Variants in ITGB1 observed in about 807,000 individuals in gnomAD.
ITGB1 encodes the protein integrin subunit beta 1, also known as integrin beta-1.
In ITGB1, 24 loss-of-function variants were observed where a neutral mutation model predicts 86.5. The ratio of observed to expected loss-of-function variants is 0.28; its 90% CI spans 0.20 to 0.39. The LOEUF is 0.39. Among genes scored for constraint, ITGB1 ranks in the 10% least tolerant of loss-of-function variants. The probability of loss-of-function intolerance (pLI) is 1.00; values close to 1 mark genes in which losing one functional copy is unlikely to be tolerated. For synonymous variants in ITGB1, 323 were observed against 316.8 expected, an observed-to-expected ratio of 1.02 and a Z score of -0.21; for missense variants, 556 against 946.9, an observed-to-expected ratio of 0.59 and a Z score of 5.42.
chr10:32,908,564 C>T (rs1593853370), intron 14 of ITGB1, 30 bp from the exon 15 acceptor site: 1 of 1,598,264 alleles, frequency 6.3e-7, no homozygotes, highest in South Asian at 1.1e-5. Flanking sequence ...TAATGAGCAC[C>T]ACAAAGAGCT....
At chr10:32,954,134 GT>G (rs1311037687) in intron 1 of ITGB1, among the ~76,000 whole-genome samples, 1 of 151,936 alleles carries the variant, frequency 6.6e-6, no homozygotes, top group East Asian at 1.9e-4. Context: ...ATCTCTCAGA[GT>G]TTTTTCTTTT....
intron 1 of ITGB1, among the ~76,000 whole-genome samples, chr10:32,952,923 G>T (rs1438705966): frequency 1.3e-5 from 2 of 152,110 alleles, no homozygotes; most frequent in Non-Finnish European, 2.9e-5. Flanking sequence ...GTAACTAATT[G>T]TATTCATGTC....
chr10:32,913,399 G>A (rs181995317), intron 11 of ITGB1, among the ~76,000 whole-genome samples: 8 of 152,108 alleles, frequency 5.3e-5, no homozygotes, highest in South Asian at 4.1e-4. Flanking sequence ...CAAACCCATC[G>A]CAAAGAAGCT....
intron 1 of ITGB1, among the ~76,000 whole-genome samples, chr10:32,952,772 T>A (rs1483961360): frequency 2.0e-5 from 3 of 152,168 alleles, no homozygotes; most frequent in Non-Finnish European, 4.4e-5. Flanking sequence ...TGCCTCTTCA[T>A]CTCCTCACCA....
At chr10:32,955,846 C>T (rs2095051200) in intron 1 of ITGB1, among the ~76,000 whole-genome samples, 1 of 152,132 alleles carries the variant, frequency 6.6e-6, no homozygotes, top group South Asian at 2.1e-4. Context: ...TGATTCCATG[C>T]TTCTCATGTG....
chr10:32,908,762 T>C (rs869033920), intron 14 of ITGB1, among the ~76,000 whole-genome samples: 2 of 152,088 alleles, frequency 1.3e-5, no homozygotes, highest in African/African-American at 2.4e-5. Context: ...ATTGAAAATA[T>C]AAGTTTTTAA....
chr10:32,945,951 ACT>A (rs1371369795), intron 1 of ITGB1, among the ~76,000 whole-genome samples: 1 of 152,112 alleles, frequency 6.6e-6, no homozygotes, highest in Non-Finnish European at 1.5e-5. Context: ...CTTTAAGATG[ACT>A]CTTCTTTTGA....
intron 2 of ITGB1, 174 bp from the exon 3 acceptor site, chr10:32,932,774 T>TAATTTTTTAAATTTTA (rs1044827324): frequency 4.0e-5 from 20 of 503,786 alleles, no homozygotes; most frequent in Non-Finnish European, 5.0e-5. Context: ...ATTTAATTTT[T>TAATTTTTTAAATTTTA]AATTTTTGTG....
At chr10:32,921,855 T>A (rs1182818923) in intron 9 of ITGB1, among the ~76,000 whole-genome samples, 2 of 151,264 alleles carry the variant, frequency 1.3e-5, no homozygotes. Context: ...AGAGAAGAAT[T>A]GGCAAAAAAA....
chr10:32,912,477 G>C (rs2094916446), intron 11 of ITGB1, among the ~76,000 whole-genome samples: 1 of 152,176 alleles, frequency 6.6e-6, no homozygotes, highest in South Asian at 2.1e-4. Flanking sequence ...TTAGAAAACG[G>C]AACACCAGAA....
chr10:32,920,664 TAGG>T (rs2094946516), intron 9 of ITGB1, among the ~76,000 whole-genome samples: 1 of 151,846 alleles, frequency 6.6e-6, no homozygotes, highest in Admixed American at 6.6e-5. Context: ...TGTTACTAAT[TAGG>T]AGGAGTCTTA....
At chr10:32,935,591 A>G in intron 1 of ITGB1, 33 bp from the exon 2 acceptor site, 4 of 1,457,018 alleles carry the variant, frequency 2.7e-6, no homozygotes, top group Non-Finnish European at 3.8e-6. Flanking sequence ...TATTAGTTAT[A>G]AAGAAATAAA....
In ITGB1 at chr10:32,946,752, G is replaced by T. The variant is rs1222806835; in HGVS notation, c.1-11194C>A. Among the ~76,000 whole-genome samples, 5 of 86,080 alleles carry T rather than the reference G, an allele frequency of 5.8e-5. 1 individual carries two copies. The highest frequency in any genetic ancestry group is 4.6e-4 in the Admixed American group (4 of 8,642). The allele number at this position is 86,080 out of a possible 152,430, so 56.5% of individuals were successfully genotyped here. A position where few individuals can be genotyped will look rare whatever the true frequency, so the allele number is the denominator to read the frequency against. ...ATAAGTGGTTTGTATGTATTTCTGG[G>T]GGGGGGGGGGGGATTATTTTCCTTT... On this transcript the variant is annotated intron_variant, in intron 1 of 15. Coordinates refer to ENST00000302278, the MANE Select transcript of ITGB1 (RefSeq NM_002211.4).
intron 1 of ITGB1, among the ~76,000 whole-genome samples, chr10:32,942,142 T>G (rs1195239424): frequency 6.6e-6 from 1 of 152,104 alleles, no homozygotes; most frequent in Non-Finnish European, 1.5e-5. Flanking sequence ...AGGAAAGTGA[T>G]GAAGCCAGGC....
chr10:32,939,726 GA>G, intron 1 of ITGB1, among the ~76,000 whole-genome samples: 1 of 886 alleles, frequency 1.1e-3, no homozygotes, highest in Non-Finnish European at 6.3e-3. Context: ...GTGGGTAAGT[GA>G]GTGAGTGAGT....
Position 32,951,315 on chromosome 10 carries a change from A to G in ITGB1, c.-1+6830T>C, listed in dbSNP as rs554813843. 7.9e-5 allele frequency among the ~76,000 whole-genome samples: 12 copies of G among 152,240 alleles called. No individual in the cohort carries two copies. The South Asian group carries it at 8.3e-4, about 11-fold the overall frequency. On this transcript the variant is annotated intron_variant, in intron 1 of 15. Transcript: ENST00000302278. The stretch of plus-strand genomic sequence containing the variant: ...CATAGACACCAAGAACAGAATCAAC[A>G]TAACAGGAAAATCACACAAAATTCA...
At chr10:32,954,961 CT>C (rs1017712687) in intron 1 of ITGB1, among the ~76,000 whole-genome samples, 3 of 152,184 alleles carry the variant, frequency 2.0e-5, no homozygotes, top group African/African-American at 7.2e-5. Flanking sequence ...AGTTTGGATC[CT>C]TTTGTACACA....
intron 1 of ITGB1, among the ~76,000 whole-genome samples, chr10:32,952,885 T>C (rs2095045283): frequency 1.3e-5 from 2 of 152,210 alleles, no homozygotes; most frequent in African/African-American, 4.8e-5. Flanking sequence ...CTTAATAATA[T>C]AGTGTTATTT....
chr10:32,910,853 C>G lies in ITGB1; in HGVS notation c.1932-398G>C, dbSNP rs548892499. Among the ~76,000 whole-genome samples, 4 of 152,188 alleles carry G rather than the reference C, an allele frequency of 2.6e-5. No homozygotes were observed. In the South Asian group the frequency reaches 8.3e-4, roughly 32 times the overall value. On this transcript the variant is annotated intron_variant, in intron 13 of 15. Coordinates refer to ENST00000302278, the MANE Select transcript of ITGB1 (RefSeq NM_002211.4). Reference sequence around the variant, plus strand: ...CTCTGCCTCTCGGGTTCAAGCAAGCCTCAACCTCCCAAGTAGTTGAGATTA... The same window carrying G: ...CTCTGCCTCTCGGGTTCAAGCAAGCGTCAACCTCCCAAGTAGTTGAGATTA...
Sources: gnomAD v4.1 joint callset for allele counts (sites outside exome capture counted in the v4.1 genomes callset) on GRCh38, gnomAD v4.1.1 for gene constraint, MANE v1.5 for transcripts, NCBI Gene and HGNC (gene_info 2026-07-23, HGNC 2026-07-21) for gene names.